The following GNAI3 variants were observed in gnomAD, a reference collection of about 807,000 sequenced individuals.
The protein encoded by GNAI3 is G protein subunit alpha i3.
A neutral mutation model predicts 41.8 loss-of-function variants in GNAI3; 12 were observed. That is an observed-to-expected ratio of 0.29 (90% CI 0.18 to 0.47). GNAI3 has a LOEUF of 0.47. Ranked by LOEUF, GNAI3 falls within the 20% of genes least tolerant of loss-of-function variation. The pLI is 1.00. For synonymous variants in GNAI3, 132 were observed against 146.5 expected, an observed-to-expected ratio of 0.90 and a Z score of 0.71; for missense variants, 360 against 429.6, an observed-to-expected ratio of 0.84 and a Z score of 1.43.
In GNAI3 at chr1:109,598,544, A is replaced by G. The variant is rs1649370821; in HGVS notation, c.*6222A>G. 5 of 177,764 alleles carry G rather than the reference A, an allele frequency of 2.8e-5. No individual in the cohort carries two copies. The South Asian group carries it at 4.5e-4, about 16-fold the overall frequency. The allele number at this position is 177,764 out of a possible 1,614,324, so 11.0% of individuals were successfully genotyped here. A position where few individuals can be genotyped will look rare whatever the true frequency, so the allele number is the denominator to read the frequency against. On this transcript the variant is annotated 3_prime_UTR_variant, in exon 9 of 9. Transcript: ENST00000369851. Reference sequence around the variant, plus strand: ...CACAGAAAAAAAAAAATCCTAAGGCAGCACCAACAAAGGTATTCAACGTAG... The same window carrying G: ...CACAGAAAAAAAAAAATCCTAAGGCGGCACCAACAAAGGTATTCAACGTAG...
At chr1:109,552,380 T>C (rs1648002176) in intron 1 of GNAI3, among the ~76,000 whole-genome samples, 1 of 152,210 alleles carries the variant, frequency 6.6e-6, no homozygotes, top group South Asian at 2.1e-4. Flanking sequence ...GAAATTACAT[T>C]TGAACATCTT....
At position 109,574,041 on chromosome 1, in the gene GNAI3, A is replaced by C; in HGVS notation, c.303+4A>C. 1 of 1,599,510 alleles carries C rather than the reference A, an allele frequency of 6.3e-7. No homozygotes were observed. The highest frequency in any genetic ancestry group is 8.5e-7 in the Non-Finnish European group (1 of 1,174,782). On this transcript the variant is annotated splice_donor_region_variant and intron_variant, in intron 3 of 8. Coordinates refer to ENST00000369851, the MANE Select transcript of GNAI3 (RefSeq NM_006496.4). ...CTTTGGGGAAGCTGCCAGGGCAGTA[A>C]GTGTTTCTCATTTCCTCTTCACTTG...
rs555350455 is a variant in GNAI3, at chr1:109,599,752, G to T, written c.*7430G>T. On this transcript the variant is annotated 3_prime_UTR_variant, in exon 9 of 9. Transcript: ENST00000369851. Reference sequence around the variant, plus strand: ...TCTATTTTGAGATCTATTTGTCTTAGCTTGGAGGTGGTTTTGTTAAATGTC... The same window carrying T: ...TCTATTTTGAGATCTATTTGTCTTATCTTGGAGGTGGTTTTGTTAAATGTC... The T allele has an allele frequency of 1.3e-5, 2 of 152,112 alleles. No individual in the cohort carries two copies. The highest frequency in any genetic ancestry group is 2.9e-5 in the Non-Finnish European group (2 of 68,028). 9.4% of individuals were successfully genotyped at this position (152,112 alleles called of 1,614,324 possible). A position where few individuals can be genotyped will look rare whatever the true frequency, so the allele number is the denominator to read the frequency against.
intron 1 of GNAI3, among the ~76,000 whole-genome samples, chr1:109,570,624 A>G (rs1213886688): frequency 7.2e-5 from 11 of 152,234 alleles, no homozygotes; most frequent in Non-Finnish European, 1.6e-4. Flanking sequence ...AACTTATTTC[A>G]GGTAACAGTA....
In GNAI3 at chr1:109,573,941, T is replaced by C; in HGVS notation, c.207T>C (p.Tyr69=). Residue 69 remains tyrosine (Y), a synonymous_variant, in exon 3 of 9, where the codon TAT becomes TAC. Coordinates refer to ENST00000369851, the MANE Select transcript of GNAI3 (RefSeq NM_006496.4). ...DGYSEDECKQ[Y]KVVVYSNTIQ... Reference sequence around the variant, plus strand: ...ATTCAGAGGATGAATGTAAACAATATAAAGTAGTTGTCTACAGCAATACTA... The same window carrying C: ...ATTCAGAGGATGAATGTAAACAATACAAAGTAGTTGTCTACAGCAATACTA... The C allele has an allele frequency of 6.2e-7, 1 of 1,604,446 alleles. No individual in the cohort carries two copies. The highest frequency in any genetic ancestry group is 2.2e-5 in the East Asian group (1 of 44,840).
Position 109,579,221 on chromosome 1 carries a change from A to G in GNAI3, c.321A>G (p.Leu107=). ...TTCTTCAGGATGATGCCCGGCAATTATTTGTTTTAGCTGGCAGTGCTGAAG... is the reference window on the plus strand; with the variant it reads ...TTCTTCAGGATGATGCCCGGCAATTGTTTGTTTTAGCTGGCAGTGCTGAAG... The part of the protein sequence containing the change: ...EAARADDARQ[L]FVLAGSAEEG... The change falls in exon 4 of 9, where the codon TTA becomes TTG. Residue 107 remains leucine, a synonymous_variant. Transcript: ENST00000369851. 3 of 1,612,030 alleles carry G rather than the reference A, an allele frequency of 1.9e-6. No individual in the cohort carries two copies. In the South Asian group the frequency reaches 3.3e-5, roughly 18 times the overall value.
intron 7 of GNAI3, among the ~76,000 whole-genome samples, chr1:109,590,183 C>G (rs1649133602): frequency 2.0e-5 from 3 of 152,100 alleles, no homozygotes; most frequent in Admixed American, 2.0e-4. Flanking sequence ...GAGTAAAGAA[C>G]AGAGGGAGGT....
rs1414823362 is a variant in GNAI3, at chr1:109,573,793, T to C, written c.161+14T>C. 1.2e-6 allele frequency: 2 copies of C among 1,608,440 alleles called. No homozygotes were observed. The highest frequency in any genetic ancestry group is 1.1e-5 in the South Asian group (1 of 90,966). ...GAAACAGATGAAGTAAGTTGGAATG[T>C]AGCGTTTTGTTAGACTAGGATTTCT... On this transcript the variant is annotated intron_variant, in intron 2 of 8. Transcript: ENST00000369851.
intron 1 of GNAI3, among the ~76,000 whole-genome samples, chr1:109,555,963 C>T (rs867414098): frequency 3.0e-4 from 43 of 144,630 alleles, no homozygotes; most frequent in African/African-American, 9.3e-4. Context: ...TGCGTGCGTG[C>T]GTGTGTGTGT....
chr1:109,556,177 G>A (rs1648147103), intron 1 of GNAI3, among the ~76,000 whole-genome samples: 1 of 151,684 alleles, frequency 6.6e-6, no homozygotes, highest in African/African-American at 2.4e-5. Flanking sequence ...TCGGCCTCCT[G>A]AGTAGCTTGG....
chr1:109,592,046 C>G lies in GNAI3; in HGVS notation c.878C>G (p.Ser293Cys). Residue 293 changes from serine to cysteine, a missense_variant, in exon 8 of 9, where the codon TCC becomes TGC. By Grantham distance (112) the Ser-to-Cys change is moderately radical. Transcript: ENST00000369851. ...LTICYPEYTG[S>C]NTYEEAAAYI... Reference sequence around the variant, plus strand: ...GAGTACTGGGTGTCCGTTTTAGGTTCCAATACATATGAAGAGGCAGCTGCC... The same window carrying G: ...GAGTACTGGGTGTCCGTTTTAGGTTGCAATACATATGAAGAGGCAGCTGCC... The G allele has an allele frequency of 1.2e-6, 2 of 1,603,848 alleles. No individual in the cohort carries two copies. The highest frequency in any genetic ancestry group is 1.7e-6 in the Non-Finnish European group (2 of 1,172,120).
chr1:109,568,719 C>G (rs973916634), intron 1 of GNAI3, among the ~76,000 whole-genome samples: 5 of 152,160 alleles, frequency 3.3e-5, no homozygotes, highest in African/African-American at 1.2e-4. Context: ...AGGTCTTGCT[C>G]TGTGCCCAGG....
chr1:109,559,194 AAAG>A (rs569929167), intron 1 of GNAI3, among the ~76,000 whole-genome samples: 138 of 152,286 alleles, frequency 9.1e-4, no homozygotes, highest in African/African-American at 3.2e-3. Flanking sequence ...AAGAAAAAAA[AAAG>A]AAAAGAAAAA....
intron 1 of GNAI3, among the ~76,000 whole-genome samples, chr1:109,561,700 A>G (rs1229577091): frequency 6.6e-6 from 1 of 152,234 alleles, no homozygotes; most frequent in African/African-American, 2.4e-5. Flanking sequence ...GTGATTACAG[A>G]AGGAATAGCC....
chr1:109,551,631 T>C (rs1157404522), intron 1 of GNAI3, among the ~76,000 whole-genome samples: 3 of 152,166 alleles, frequency 2.0e-5, no homozygotes, highest in African/African-American at 7.2e-5. Flanking sequence ...ATAGAGCTAC[T>C]CCTAGGATTG....
rs532458696 is a variant in GNAI3, at chr1:109,552,453, A to G, written c.118+3615A>G. 1.3e-3 allele frequency among the ~76,000 whole-genome samples: 201 copies of G among 152,214 alleles called. 2 individuals carry two copies. Among genetic ancestry groups the G allele is most frequent in the Non-Finnish European group, 2.1e-3 (141 of 68,002 alleles). On this transcript the variant is annotated intron_variant, in intron 1 of 8. Coordinates refer to ENST00000369851, the MANE Select transcript of GNAI3 (RefSeq NM_006496.4). ...AATTTGGTTATTTACTATTTAAACA[A>G]TTAGAGATGGGGGTCTCATTATGTT...
Position 109,579,208 on chromosome 1 carries a change from A to G in GNAI3, c.308A>G (p.Asp103Gly). 6.2e-7 allele frequency: 1 copy of G among 1,611,258 alleles called. No individual in the cohort carries two copies. The highest frequency in any genetic ancestry group is 8.5e-7 in the Non-Finnish European group (1 of 1,178,380). Residue 103 changes from aspartate to glycine, a missense_variant, in exon 4 of 9, where the codon GAT (aspartate) becomes GGT (glycine). Coordinates refer to ENST00000369851, the MANE Select transcript of GNAI3 (RefSeq NM_006496.4). ...IDFGEAARAD[D>G]ARQLFVLAGS... ...TTTCTTAACTGCTTTCTTCAGGATGATGCCCGGCAATTATTTGTTTTAGCT... is the reference window on the plus strand; with the variant it reads ...TTTCTTAACTGCTTTCTTCAGGATGGTGCCCGGCAATTATTTGTTTTAGCT...
At chr1:109,562,892 T>A (rs1251198200) in intron 1 of GNAI3, among the ~76,000 whole-genome samples, 5 of 152,198 alleles carry the variant, frequency 3.3e-5, no homozygotes, top group Non-Finnish European at 7.3e-5. Context: ...ATCTGCAGTA[T>A]AATGAATCAT....
chr1:109,555,258 C>T (rs1012186275), intron 1 of GNAI3, among the ~76,000 whole-genome samples: 1 of 152,246 alleles, frequency 6.6e-6, no homozygotes, highest in South Asian at 2.1e-4. Context: ...AACCTAGAGG[C>T]ATTAGATTAC....
Sources: gnomAD v4.1 joint callset for allele counts (sites outside exome capture counted in the v4.1 genomes callset) on GRCh38, gnomAD v4.1.1 for gene constraint, MANE v1.5 for transcripts, NCBI Gene and HGNC (gene_info 2026-07-23, HGNC 2026-07-21) for gene names.